Variants in WASF1 observed in about 807,000 individuals in gnomAD.
The protein encoded by WASF1 is WASP family member 1, also known as actin-binding protein WASF1.
A neutral mutation model predicts 50.5 loss-of-function variants in WASF1; 7 were observed. That is an observed-to-expected ratio of 0.14 (90% confidence interval 0.08 to 0.26). The LOEUF (loss-of-function observed/expected upper bound fraction) is 0.26, where lower values mean the gene tolerates loss of function less well. WASF1 is among the 10% of genes least tolerant of loss of function. The probability of loss-of-function intolerance (pLI) is 1.00; values close to 1 mark genes in which losing one functional copy is unlikely to be tolerated. For synonymous variants in WASF1, 205 were observed against 244.0 expected (o/e 0.84, Z 1.49); for missense variants, 470 against 694.7 (o/e 0.68, Z 3.64).
intron 1 of WASF1, among the ~76,000 whole-genome samples, chr6:110,179,114 G>A (rs920990444): frequency 3.9e-5 from 6 of 152,196 alleles, no homozygotes; most frequent in African/African-American, 1.4e-4. Context: ...CGCGGGCGCG[G>A]GTGGGCAGGG....
chr6:110,165,495 G>T (rs1776438210), intron 2 of WASF1, among the ~76,000 whole-genome samples: 1 of 151,650 alleles, frequency 6.6e-6, no homozygotes, highest in Non-Finnish European at 1.5e-5. Context: ...AAGAGTTCTA[G>T]CAACATTAGG....
intron 2 of WASF1, among the ~76,000 whole-genome samples, chr6:110,162,338 C>T (rs1776291834): frequency 1.3e-5 from 2 of 150,142 alleles, no homozygotes; most frequent in African/African-American, 4.9e-5. Flanking sequence ...ATTTGTCACG[C>T]AGACAACGTA....
intron 3 of WASF1, among the ~76,000 whole-genome samples, chr6:110,137,599 T>C (rs1775026328): frequency 6.6e-6 from 1 of 152,194 alleles, no homozygotes; most frequent in Admixed American, 6.5e-5. Flanking sequence ...TACACTGTTT[T>C]ATAAAATGTT....
intron 3 of WASF1, among the ~76,000 whole-genome samples, chr6:110,152,098 ATGGTC>A (rs1387960761): frequency 6.6e-6 from 1 of 152,194 alleles, no homozygotes; most frequent in Non-Finnish European, 1.5e-5. Context: ...AGATATAATT[ATGGTC>A]AATTATCAGC....
chr6:110,124,798 G>A (rs754151530), intron 4 of WASF1, among the ~76,000 whole-genome samples: 16 of 152,194 alleles, frequency 1.1e-4, no homozygotes, highest in African/African-American at 2.6e-4. Context: ...TAATCCCAGC[G>A]GCTTTGGTGG....
At chr6:110,140,560 C>A (rs1453773171) in intron 3 of WASF1, among the ~76,000 whole-genome samples, 5 of 152,134 alleles carry the variant, frequency 3.3e-5, no homozygotes, top group Admixed American at 2.6e-4. Flanking sequence ...GGATCTGACA[C>A]TATCTCCAGG....
At position 110,129,223 on chromosome 6, in the gene WASF1, G is replaced by C. The variant is rs529387226; in HGVS notation, c.-28-1594C>G. On this transcript the variant is annotated intron_variant, in intron 3 of 10. Coordinates refer to ENST00000392589, the MANE Select transcript of WASF1 (RefSeq NM_003931.3). ...GCATCTGTTGCCTTCTTGCCTCCCA[G>C]TGCTAAGTCTACATGAAATTTTACT... is the stretch of plus-strand genomic sequence containing the variant. Among the ~76,000 whole-genome samples, 18 of 152,232 alleles carry C rather than the reference G, an allele frequency of 1.2e-4. No homozygotes were observed. The South Asian group carries it at 2.7e-3, about 23-fold the overall frequency.
At chr6:110,176,370 G>C (rs910455330) in intron 2 of WASF1, among the ~76,000 whole-genome samples, 4 of 151,736 alleles carry the variant, frequency 2.6e-5, no homozygotes, top group African/African-American at 9.7e-5. Flanking sequence ...CATAAAGTGA[G>C]CTATAAGAAG....
chr6:110,100,835 T>C (rs1773049350), intron 10 of WASF1, among the ~76,000 whole-genome samples, 156 bp from the exon 11 acceptor site: 1 of 152,146 alleles, frequency 6.6e-6, no homozygotes, highest in Non-Finnish European at 1.5e-5. Context: ...GAGAGAGGCA[T>C]TAAATCTTTA....
chr6:110,139,535 C>A (rs1308938898), intron 3 of WASF1, among the ~76,000 whole-genome samples: 1 of 152,204 alleles, frequency 6.6e-6, no homozygotes, highest in Non-Finnish European at 1.5e-5. Context: ...AATGGCTATT[C>A]CCAGCTTTTT....
At chr6:110,120,551 G>A (rs1337090777) in intron 4 of WASF1, among the ~76,000 whole-genome samples, 2 of 152,126 alleles carry the variant, frequency 1.3e-5, no homozygotes, top group Non-Finnish European at 2.9e-5. Flanking sequence ...ACAAACAAAT[G>A]GAAGAACATT....
intron 4 of WASF1, among the ~76,000 whole-genome samples, chr6:110,118,037 C>T (rs905430191): frequency 2.6e-5 from 4 of 152,002 alleles, no homozygotes; most frequent in Non-Finnish European, 5.9e-5. Context: ...AAGCAACAAC[C>T]GGTACCAGCC....
At chr6:110,151,343 G>A (rs1311203403) in intron 3 of WASF1, among the ~76,000 whole-genome samples, 1 of 152,104 alleles carries the variant, frequency 6.6e-6, no homozygotes, top group Non-Finnish European at 1.5e-5. Flanking sequence ...GTTTCATCTA[G>A]TCTACTAAAA....
At position 110,102,131 on chromosome 6, in the gene WASF1, G is replaced by C. The variant is rs761638941; in HGVS notation, c.979C>G (p.Pro327Ala). The C allele has an allele frequency of 1.3e-6, 2 of 1,485,954 alleles. No individual in the cohort carries two copies. Among genetic ancestry groups the C allele is most frequent in the Non-Finnish European group, 1.8e-6 (2 of 1,118,218 alleles). The allele number at this position is 1,485,954 out of a possible 1,614,324, so 92.0% of individuals were successfully genotyped here. A position where few individuals can be genotyped will look rare whatever the true frequency, so the allele number is the denominator to read the frequency against. ...AAGGCAGATGGAAGAGGTGGTGGAG[G>C]AGGTGGGGGAGTGGGGCTCACAAAC... ...PVFVSPTPPPPPPPLPSALST... is the reference protein window; with the variant it reads ...PVFVSPTPPPAPPPLPSALST... Residue 327 changes from proline (P) to alanine (A), a missense_variant, in exon 10 of 11, where the codon CCT becomes GCT. Coordinates refer to ENST00000392589, the MANE Select transcript of WASF1 (RefSeq NM_003931.3).
At chr6:110,155,542 T>TACAATC (rs1562185721) in intron 3 of WASF1, among the ~76,000 whole-genome samples, 1 of 117,376 alleles carries the variant, frequency 8.5e-6, no homozygotes, top group African/African-American at 4.1e-5. Context: ...CCTTCTTTTT[T>TACAATC]TTTTTTTTTT....
intron 3 of WASF1, among the ~76,000 whole-genome samples, chr6:110,158,488 T>A (rs1024410951): frequency 1.5e-5 from 2 of 131,140 alleles, no homozygotes; most frequent in Admixed American, 1.4e-4. Context: ...TCAATTTTGT[T>A]GATCCTTTCA....
At chr6:110,120,474 T>A (rs1288695818) in intron 4 of WASF1, among the ~76,000 whole-genome samples, 3 of 152,152 alleles carry the variant, frequency 2.0e-5, no homozygotes, top group Non-Finnish European at 2.9e-5. Context: ...GAATCCAACT[T>A]ACAAGGGATG....
At chr6:110,178,006 G>C (rs1777006757) in intron 2 of WASF1, among the ~76,000 whole-genome samples, 1 of 150,018 alleles carries the variant, frequency 6.7e-6, no homozygotes, top group Non-Finnish European at 1.5e-5. Flanking sequence ...ACTCATACTT[G>C]TAGATTCAAG....
chr6:110,178,549 T>C (rs2114636967), intron 2 of WASF1, 49 bp downstream of exon 2: 1 of 152,710 alleles, frequency 6.5e-6, no homozygotes, highest in South Asian at 2.1e-4. Flanking sequence ...CCACCGCACA[T>C]CTTATTACAT....
Sources: gnomAD v4.1 joint callset for allele counts (sites outside exome capture counted in the v4.1 genomes callset) on GRCh38, gnomAD v4.1.1 for gene constraint, MANE v1.5 for transcripts, NCBI Gene and HGNC (gene_info 2026-07-23, HGNC 2026-07-21) for gene names.